Variants in KDM1B observed in about 807,000 individuals in gnomAD.
KDM1B encodes lysine-specific histone demethylase 2.
In KDM1B, 63 loss-of-function variants were observed where a neutral mutation model predicts 107.4. The observed-to-expected ratio is 0.59, with a 90% CI of 0.48 to 0.72. The LOEUF (loss-of-function observed/expected upper bound fraction) is 0.72. KDM1B is among the 30% of genes least tolerant of loss of function. The pLI, the probability that KDM1B is intolerant of heterozygous loss-of-function variation, is 0.00. For missense variants in KDM1B, 749 were observed against 1,020.8 expected, an observed-to-expected ratio of 0.73 and a Z score of 3.63; for synonymous variants, 363 against 363.9, an observed-to-expected ratio of 1.00 and a Z score of 0.03.
intron 5 of KDM1B, among the ~76,000 whole-genome samples, chr6:18,165,391 A>T (rs1346730548): frequency 6.6e-6 from 1 of 151,650 alleles, no homozygotes; most frequent in Non-Finnish European, 1.5e-5. Context: ...TGGCCTCCCA[A>T]AGTGCTGGGA....
intron 6 of KDM1B, 131 bp downstream of exon 6, chr6:18,166,509 T>G: frequency 1.7e-6 from 1 of 596,880 alleles, no homozygotes; most frequent in Non-Finnish European, 3.0e-6. Context: ...AGCAAATATT[T>G]TTTATTTTTA....
chr6:18,181,566 C>T (rs1455702738), intron 7 of KDM1B, among the ~76,000 whole-genome samples: 1 of 152,008 alleles, frequency 6.6e-6, no homozygotes, highest in Non-Finnish European at 1.5e-5. Flanking sequence ...GGCAACATGA[C>T]GAGACCCTGT....
At position 18,187,938 on chromosome 6, in the gene KDM1B, C is replaced by T. The variant is rs944189593; in HGVS notation, c.720C>T (p.Ala240=). The change falls in exon 9 of 22, where the codon GCC becomes GCT. Residue 240 remains alanine (A), a synonymous_variant. Coordinates refer to ENST00000650836, the MANE Select transcript of KDM1B (RefSeq NM_001364614.2). ...MSPSCTSTNR[A]AATGNASPGK... is the part of the protein sequence containing the mutation. ...CCTCCTGCACCAGCACAAACCGCGC[C>T]GCTGCCACTGGCAATGCCAGCCCTG... 6.1e-5 allele frequency: 95 copies of T among 1,550,406 alleles called. No individual in the cohort carries two copies. Among genetic ancestry groups the T allele is most frequent in the African/African-American group, 8.2e-5 (6 of 73,050 alleles).
Position 18,197,009 on chromosome 6 carries a change from T to C in KDM1B, c.970-48T>C, listed in dbSNP as rs752004492. Reference sequence around the variant, plus strand: ...TTGTTTTCCTGCTATTGTTTGAATTTCTTGGGACTTTTTTAAAAAAGCAGT... The same window carrying C: ...TTGTTTTCCTGCTATTGTTTGAATTCCTTGGGACTTTTTTAAAAAAGCAGT... On this transcript the variant is annotated intron_variant, in intron 10 of 21. Transcript: ENST00000650836. This position sits in a 1 kb window ranked among gnomAD's most constrained non-coding sequence, Gnocchi z 4.5. The C allele has an allele frequency of 6.6e-7, 1 of 1,512,358 alleles. No individual in the cohort carries two copies. The highest frequency in any genetic ancestry group is 1.4e-5 in the African/African-American group (1 of 72,096). The allele number at this position is 1,512,358 out of a possible 1,614,324, so 93.7% of individuals were successfully genotyped here.
chr6:18,166,133 C>CT, intron 5 of KDM1B, 134 bp from the exon 6 acceptor site: 1 of 578,108 alleles, frequency 1.7e-6, no homozygotes, highest in East Asian at 2.8e-5. Context: ...GCCATAATAA[C>CT]TTTCTCTACT....
At chr6:18,188,515 T>A (rs1282501940) in intron 9 of KDM1B, among the ~76,000 whole-genome samples, 2 of 152,230 alleles carry the variant, frequency 1.3e-5, no homozygotes, top group African/African-American at 4.8e-5. Flanking sequence ...CTTCTGAGTC[T>A]TTCTGCCTCT....
At chr6:18,219,452 G>T (rs1789508141) in intron 21 of KDM1B, among the ~76,000 whole-genome samples, 1 of 151,830 alleles carries the variant, frequency 6.6e-6, no homozygotes. Flanking sequence ...TGCTACTTTT[G>T]GGGGAGATTT....
At chr6:18,174,803 A>G (rs1174135840) in intron 7 of KDM1B, among the ~76,000 whole-genome samples, 1 of 152,064 alleles carries the variant, frequency 6.6e-6, no homozygotes, top group Admixed American at 6.5e-5. Context: ...ATTCCTTTTC[A>G]TGGCTGAGTA....
intron 7 of KDM1B, among the ~76,000 whole-genome samples, chr6:18,174,832 A>G (rs1187494222): frequency 6.6e-6 from 1 of 152,140 alleles, no homozygotes; most frequent in Non-Finnish European, 1.5e-5. Flanking sequence ...TCATATATAT[A>G]TGTGTATGTA....
chr6:18,201,610 C>T lies in KDM1B; in HGVS notation c.1484C>T (p.Ser495Phe). Residue 495 changes from serine (S) to phenylalanine (F), a missense_variant, in exon 14 of 22, where the codon TCT (serine) becomes TTT (phenylalanine). Transcript: ENST00000650836. This position sits in a 1 kb window ranked among gnomAD's most constrained non-coding sequence, Gnocchi z 4.3. ...TTTAATGCTCTCTTGGATGTTGTCT[C>T]TGAGTGGAGAAAGGATAAGACTCAG... ...FHFNALLDVV[S>F]EWRKDKTQLQ... The T allele has an allele frequency of 6.4e-7, 1 of 1,550,870 alleles. No homozygotes were observed.
rs114529203 is a variant in KDM1B at position 18,159,434 on chromosome 6, G to A, written c.-13-449G>A. 4.6e-3 allele frequency among the ~76,000 whole-genome samples: 706 copies of A among 152,306 alleles called. 9 individuals carry two copies. Among genetic ancestry groups the A allele is most frequent in the African/African-American group, 0.016 (647 of 41,570 alleles). On this transcript the variant is annotated intron_variant, in intron 2 of 21. Coordinates refer to ENST00000650836, the MANE Select transcript of KDM1B (RefSeq NM_001364614.2). The surrounding 1 kb of genome is among the most constrained non-coding windows in gnomAD (Gnocchi z 4.5). ...ATTCATGTGGCATGTTTCTCATTTTGTATCTTTTAATGTGCATAACTACTA... is the reference window on the plus strand; with the variant it reads ...ATTCATGTGGCATGTTTCTCATTTTATATCTTTTAATGTGCATAACTACTA...
rs141222425 is a variant in KDM1B at position 18,186,973 on chromosome 6, TACACAC to T, written c.574-797_574-792del. ...CAGTATGTATATATGTGTGTGTGTG[TACACAC>T]ACACACACACACACACACACATTTT... is the stretch of plus-strand genomic sequence containing the variant. On this transcript the variant is annotated intron_variant, in intron 8 of 21. Coordinates refer to ENST00000650836, the MANE Select transcript of KDM1B (RefSeq NM_001364614.2). This position sits in a 1 kb window ranked among gnomAD's most constrained non-coding sequence, Gnocchi z 5.6. Among the ~76,000 whole-genome samples the T allele has an allele frequency of 1.5e-3, 224 of 147,526 alleles. 2 individuals carry two copies. In the East Asian group the frequency reaches 0.019, roughly 13 times the overall value.
At chr6:18,207,641 TC>T in intron 16 of KDM1B, 112 bp downstream of exon 16, 1 of 1,317,258 alleles carries the variant, frequency 7.6e-7, no homozygotes, top group Non-Finnish European at 1.1e-6. Flanking sequence ...TTAGCCAGGG[TC>T]TAGAAGTACT....
chr6:18,214,172 G>T lies in KDM1B; in HGVS notation c.2109+391G>T, dbSNP rs1357953484. Among the ~76,000 whole-genome samples, 1 of 152,126 alleles carries T rather than the reference G, an allele frequency of 6.6e-6. No homozygotes were observed. The highest frequency in any genetic ancestry group is 2.1e-4 in the South Asian group (1 of 4,820). On this transcript the variant is annotated intron_variant, in intron 19 of 21. Coordinates refer to ENST00000650836, the MANE Select transcript of KDM1B (RefSeq NM_001364614.2). The surrounding 1 kb of genome is among the most constrained non-coding windows in gnomAD (Gnocchi z 4.4). ...GTGAGGGAGGGTGTGAGTGTCAGCAGATGTGAGAGCTGAGGGAAGGAAGGA... is the reference window on the plus strand; with the variant it reads ...GTGAGGGAGGGTGTGAGTGTCAGCATATGTGAGAGCTGAGGGAAGGAAGGA...
chr6:18,191,357 C>T lies in KDM1B; in HGVS notation c.945C>T (p.Leu315=), dbSNP rs773644246. ...ACCTGGCTTTGAGAAACCTCATCCTCGCACTGTGGTATACTAACTGCAAAG... is the reference window on the plus strand; with the variant it reads ...ACCTGGCTTTGAGAAACCTCATCCTTGCACTGTGGTATACTAACTGCAAAG... ...TMYLALRNLI[L]ALWYTNCKEA... The change falls in exon 10 of 22, where the codon CTC becomes CTT. Residue 315 remains leucine, a synonymous_variant. Coordinates refer to ENST00000650836, the MANE Select transcript of KDM1B (RefSeq NM_001364614.2). The surrounding 1 kb of genome is among the most constrained non-coding windows in gnomAD (Gnocchi z 5.1). The T allele has an allele frequency of 2.6e-5, 41 of 1,550,938 alleles. No homozygotes were observed. The highest frequency in any genetic ancestry group is 5.5e-5 in the African/African-American group (4 of 73,030).
rs994691123 is a variant in KDM1B at position 18,162,549 on chromosome 6, C to T, written c.216-286C>T. ...ATGCAGCCTGCAGCAAGCACAGTGGCATCTGTCCTTTTGTGTCATAAAACC... is the reference window on the plus strand; with the variant it reads ...ATGCAGCCTGCAGCAAGCACAGTGGTATCTGTCCTTTTGTGTCATAAAACC... On this transcript the variant is annotated intron_variant, in intron 4 of 21. Transcript: ENST00000650836. The surrounding 1 kb of genome is among the most constrained non-coding windows in gnomAD (Gnocchi z 4.1). Among the ~76,000 whole-genome samples, 3 of 152,132 alleles carry T rather than the reference C, an allele frequency of 2.0e-5. No homozygotes were observed. The highest frequency in any genetic ancestry group is 2.9e-5 in the Non-Finnish European group (2 of 68,044).
At chr6:18,190,581 G>A (rs933046269) in intron 9 of KDM1B, among the ~76,000 whole-genome samples, 42 of 150,820 alleles carry the variant, frequency 2.8e-4, no homozygotes, top group African/African-American at 9.8e-4. Context: ...CAGCCAGGGC[G>A]ACAGAGTGAG....
Position 18,203,935 on chromosome 6 carries a change from C to T in KDM1B, c.1532-1602C>T, listed in dbSNP as rs12195524. 0.014 allele frequency among the ~76,000 whole-genome samples: 2,084 copies of T among 151,896 alleles called. 30 individuals are homozygous for T. Among genetic ancestry groups the T allele is most frequent in the Non-Finnish European group, 0.022 (1,471 of 67,964 alleles). Reference sequence around the variant, plus strand: ...TAGCAATCTTGGTTTTTCTCCCCGCCGCCTCCACAAAACCAACAGGAATGT... The same window carrying T: ...TAGCAATCTTGGTTTTTCTCCCCGCTGCCTCCACAAAACCAACAGGAATGT... On this transcript the variant is annotated intron_variant, in intron 14 of 21. Coordinates refer to ENST00000650836, the MANE Select transcript of KDM1B (RefSeq NM_001364614.2). This position sits in a 1 kb window ranked among gnomAD's most constrained non-coding sequence, Gnocchi z 5.5.
intron 10 of KDM1B, among the ~76,000 whole-genome samples, chr6:18,192,471 T>C (rs1347276933): frequency 2.6e-5 from 4 of 152,198 alleles, no homozygotes; most frequent in Non-Finnish European, 4.4e-5. Flanking sequence ...TGGCTGTTAA[T>C]GCAACTATAT....
Sources: gnomAD v4.1 joint callset for allele counts (sites outside exome capture counted in the v4.1 genomes callset) on GRCh38, gnomAD v4.1.1 for gene constraint, Gnocchi (gnomAD v3.1) non-coding constraint, MANE v1.5 for transcripts, NCBI Gene and HGNC (gene_info 2026-07-23, HGNC 2026-07-21) for gene names.